Variants in LRRC37A2 observed in about 807,000 individuals in gnomAD.
LRRC37A2 encodes the protein leucine rich repeat containing 37 member A2.
A neutral mutation model predicts 68.8 loss-of-function variants in LRRC37A2; 9 were observed. The observed-to-expected ratio is 0.13, with a 90% CI of 0.08 to 0.23. The LOEUF is 0.23. Ranked by LOEUF, LRRC37A2 falls within the 10% of genes least tolerant of loss-of-function variation. LRRC37A2 has a pLI of 1.00. For synonymous variants in LRRC37A2, 63 were observed against 367.6 expected (o/e 0.17, Z 9.48); for missense variants, 168 against 950.4 (o/e 0.18, Z 10.82).
chr17:46,922,346 G>T, the LRRC37A2 span, among the ~76,000 whole-genome samples: 7 of 152,132 alleles, frequency 4.6e-5, no homozygotes, highest in Admixed American at 3.3e-4. Context: ...GGTGGGGAGA[G>T]GGGGAAGGGA....
chr17:46,839,039 A>G, the LRRC37A2 span, among the ~76,000 whole-genome samples: 1 of 151,782 alleles, frequency 6.6e-6, no homozygotes, highest in Non-Finnish European at 1.5e-5. Flanking sequence ...CACCATGCCC[A>G]GCTAATTTTT....
chr17:46,856,477 G>A, the LRRC37A2 span, among the ~76,000 whole-genome samples: 2 of 151,360 alleles, frequency 1.3e-5, no homozygotes, highest in African/African-American at 2.4e-5. Context: ...TGAAATGCAT[G>A]CTTTTTCTTT....
the LRRC37A2 span, among the ~76,000 whole-genome samples, chr17:46,811,634 A>G: frequency 6.6e-6 from 1 of 152,120 alleles, no homozygotes; most frequent in Non-Finnish European, 1.5e-5. Context: ...TGCCCGAAGG[A>G]GAGCGTGGAG....
chr17:46,986,399 A>C, the LRRC37A2 span, among the ~76,000 whole-genome samples: 1 of 152,170 alleles, frequency 6.6e-6, no homozygotes, highest in Non-Finnish European at 1.5e-5. Flanking sequence ...AATAAATGCT[A>C]GTAACTATTA....
chr17:46,968,230 G>A, the LRRC37A2 span, among the ~76,000 whole-genome samples: 1 of 152,144 alleles, frequency 6.6e-6, no homozygotes, highest in Admixed American at 6.5e-5. Flanking sequence ...GGCGTCCAGA[G>A]ACCTCCCTGC....
chr17:46,796,572 G>A, the LRRC37A2 span, among the ~76,000 whole-genome samples: 1 of 152,180 alleles, frequency 6.6e-6, no homozygotes, highest in South Asian at 2.1e-4. Context: ...TCCCACTCGG[G>A]GCACACAGAG....
At chr17:46,824,061 C>G in the LRRC37A2 span, among the ~76,000 whole-genome samples, 1 of 152,120 alleles carries the variant, frequency 6.6e-6, no homozygotes, top group Non-Finnish European at 1.5e-5. Flanking sequence ...CGCCCAGGAG[C>G]CTTCTCCAGA....
the LRRC37A2 span, among the ~76,000 whole-genome samples, chr17:46,759,183 A>G: frequency 6.6e-6 from 1 of 152,214 alleles, no homozygotes; most frequent in African/African-American, 2.4e-5. Flanking sequence ...CAGCCTGGGC[A>G]ACGAGCAAAA....
the LRRC37A2 span, among the ~76,000 whole-genome samples, chr17:46,943,474 A>G: frequency 1.3e-3 from 196 of 152,262 alleles, 1 homozygote; most frequent in Middle Eastern, 6.8e-3. Flanking sequence ...TTCCTCTCAG[A>G]TGTGCCACAA....
At chr17:46,392,419 C>CTCTCTTTCTT in the LRRC37A2 span, among the ~76,000 whole-genome samples, 80 of 55,806 alleles carry the variant, frequency 1.4e-3, 1 homozygote, top group African/African-American at 4.5e-3. Context: ...TTCTCTCTCT[C>CTCTCTTTCTT]TCTTTCTTTC....
chr17:46,892,013 G>A, the LRRC37A2 span, among the ~76,000 whole-genome samples: 6 of 147,032 alleles, frequency 4.1e-5, no homozygotes, highest in African/African-American at 1.3e-4. Flanking sequence ...TCCACCTCAT[G>A]GGTTCAAGTG....
chr17:46,977,662 G>A, the LRRC37A2 span, among the ~76,000 whole-genome samples: 1 of 152,206 alleles, frequency 6.6e-6, no homozygotes, highest in Non-Finnish European at 1.5e-5. Context: ...TCACCACAAA[G>A]CCGCCAACCC....
At chr17:46,739,137 A>G in the LRRC37A2 span, among the ~76,000 whole-genome samples, 1 of 152,208 alleles carries the variant, frequency 6.6e-6, no homozygotes, top group Non-Finnish European at 1.5e-5. Context: ...TGGGAGGCCA[A>G]GGTAGGTGGA....
At chr17:47,020,018 C>T in the LRRC37A2 span, among the ~76,000 whole-genome samples, 63,357 of 141,268 alleles carry the variant, frequency 0.45, 15,064 homozygotes, top group Non-Finnish European at 0.51. Context: ...TACTCGTTTT[C>T]GTATCCATTT....
the LRRC37A2 span, among the ~76,000 whole-genome samples, chr17:46,884,758 C>T: frequency 2.0e-5 from 3 of 152,166 alleles, no homozygotes; most frequent in Non-Finnish European, 4.4e-5. Context: ...CCTGAGGTCA[C>T]ACAGCAAGTA....
chr17:46,876,253 G>T, the LRRC37A2 span: 1 of 1,607,374 alleles, frequency 6.2e-7, no homozygotes, highest in Admixed American at 1.7e-5. Flanking sequence ...AGGCTGTGAA[G>T]AGTGGCCTCA....
chr17:46,605,573 A>C, the LRRC37A2 span, among the ~76,000 whole-genome samples: 4 of 100,818 alleles, frequency 4.0e-5, no homozygotes, highest in Middle Eastern at 5.3e-3. Context: ...CCATATGCTT[A>C]GAGAAAATAA....
chr17:47,019,577 T>G, the LRRC37A2 span: 4 of 1,474,222 alleles, frequency 2.7e-6, no homozygotes, highest in Non-Finnish European at 3.8e-6. Flanking sequence ...GTCCACCTAC[T>G]GTGCTAGAAC....
At chr17:47,021,453 G>T in the LRRC37A2 span, 1 of 249,800 alleles carries the variant, frequency 4.0e-6, no homozygotes, top group Non-Finnish European at 7.0e-6. Flanking sequence ...CCTGGCATAG[G>T]GTTTCTTTCT....
Sources: allele counts gnomAD v4.1 joint callset (sites outside exome capture counted in the v4.1 genomes callset), GRCh38; gene constraint gnomAD v4.1.1; transcripts MANE v1.5; gene names NCBI Gene and HGNC (gene_info 2026-07-23, HGNC 2026-07-21).